The following RPS6KC1 variants were observed in gnomAD, a reference collection of about 807,000 sequenced individuals.
RPS6KC1 encodes ribosomal protein S6 kinase C1.
Under a neutral mutation model 103.8 loss-of-function variants are expected in RPS6KC1, and 54 were observed. The ratio of observed to expected loss-of-function variants is 0.52; its 90% CI spans 0.42 to 0.65. The LOEUF (loss-of-function observed/expected upper bound fraction) is 0.65. RPS6KC1 is among the 30% of genes least tolerant of loss of function. RPS6KC1 has a pLI of 0.00. For missense variants in RPS6KC1, 1,151 were observed against 1,253.8 expected, an observed-to-expected ratio of 0.92 and a Z score of 1.24; for synonymous variants, 439 against 438.7, an observed-to-expected ratio of 1.00 and a Z score of -0.01.
chr1:213,328,503 A>AATATATATATAT, the RPS6KC1 span, among the ~76,000 whole-genome samples: 14 of 31,796 alleles, frequency 4.4e-4, no homozygotes, highest in African/African-American at 5.8e-4. Flanking sequence ...CAGCCATTAT[A>AATATATATATAT]CTATATATAT....
At chr1:213,761,348 G>A in the RPS6KC1 span, among the ~76,000 whole-genome samples, 2 of 152,098 alleles carry the variant, frequency 1.3e-5, no homozygotes, top group Non-Finnish European at 2.9e-5. Context: ...GCACTGCGTG[G>A]CCACAGCAGC....
At chr1:213,789,688 A>G in the RPS6KC1 span, among the ~76,000 whole-genome samples, 1 of 152,212 alleles carries the variant, frequency 6.6e-6, no homozygotes, top group African/African-American at 2.4e-5. Flanking sequence ...TCTACTTGAT[A>G]GTACAATGTG....
At chr1:213,581,635 G>T in the RPS6KC1 span, among the ~76,000 whole-genome samples, 2 of 152,078 alleles carry the variant, frequency 1.3e-5, no homozygotes, top group Non-Finnish European at 2.9e-5. Context: ...AGCCAGCCAA[G>T]GACAGCTTCT....
the RPS6KC1 span, among the ~76,000 whole-genome samples, chr1:213,456,537 A>G: frequency 6.6e-6 from 1 of 151,928 alleles, no homozygotes; most frequent in Non-Finnish European, 1.5e-5. Context: ...GCCCACTTAT[A>G]CCCTACTCTT....
chr1:213,534,532 C>T, the RPS6KC1 span, among the ~76,000 whole-genome samples: 1 of 152,196 alleles, frequency 6.6e-6, no homozygotes, highest in Non-Finnish European at 1.5e-5. Flanking sequence ...CTGCATCCTT[C>T]AACCACTGCT....
chr1:213,660,186 A>G, the RPS6KC1 span, among the ~76,000 whole-genome samples: 1 of 152,234 alleles, frequency 6.6e-6, no homozygotes, highest in African/African-American at 2.4e-5. Flanking sequence ...TTTGTAATAA[A>G]TGTGTGAGGG....
the RPS6KC1 span, among the ~76,000 whole-genome samples, chr1:213,405,780 C>T: frequency 6.6e-6 from 1 of 152,276 alleles, no homozygotes; most frequent in South Asian, 2.1e-4. Context: ...CCCATCTTTC[C>T]TCTTGTATAA....
chr1:213,368,042 A>G, the RPS6KC1 span, among the ~76,000 whole-genome samples: 39 of 152,222 alleles, frequency 2.6e-4, no homozygotes, highest in Non-Finnish European at 5.0e-4. Context: ...TTTAACTGAG[A>G]TATAGCCGGA....
chr1:213,467,251 G>A, the RPS6KC1 span, among the ~76,000 whole-genome samples: 1 of 152,190 alleles, frequency 6.6e-6, no homozygotes, highest in Admixed American at 6.5e-5. Context: ...ACCAAGCACT[G>A]TTTAAACAAA....
the RPS6KC1 span, among the ~76,000 whole-genome samples, chr1:213,283,173 A>T: frequency 1.3e-5 from 2 of 152,178 alleles, no homozygotes; most frequent in Non-Finnish European, 2.9e-5. Flanking sequence ...TACATGCTAT[A>T]ATACAGGGAC....
chr1:213,620,817 T>A, the RPS6KC1 span, among the ~76,000 whole-genome samples: 1 of 152,162 alleles, frequency 6.6e-6, no homozygotes, highest in Admixed American at 6.5e-5. Context: ...GACTCCACCA[T>A]ACCTAACCAC....
chr1:213,786,596 A>G, the RPS6KC1 span, among the ~76,000 whole-genome samples: 1 of 152,344 alleles, frequency 6.6e-6, no homozygotes, highest in Non-Finnish European at 1.5e-5. Context: ...CTCATCTGCT[A>G]ACCTTAAAGG....
chr1:213,315,721 C>T, the RPS6KC1 span, among the ~76,000 whole-genome samples: 2 of 152,142 alleles, frequency 1.3e-5, no homozygotes, highest in African/African-American at 4.8e-5. Flanking sequence ...TTCCTTGCTG[C>T]CCCCCACGGG....
the RPS6KC1 span, among the ~76,000 whole-genome samples, chr1:213,490,458 C>CTGT: frequency 1.6e-4 from 24 of 152,286 alleles, no homozygotes; most frequent in South Asian, 3.9e-3. Context: ...CCTCTTGACT[C>CTGT]TGTATGAGGT....
At chr1:213,791,562 A>G in the RPS6KC1 span, among the ~76,000 whole-genome samples, 1 of 152,210 alleles carries the variant, frequency 6.6e-6, no homozygotes, top group Admixed American at 6.5e-5. Flanking sequence ...TAATGAAAAT[A>G]TAAGACTGCA....
At chr1:213,776,807 G>A in the RPS6KC1 span, among the ~76,000 whole-genome samples, 5 of 152,182 alleles carry the variant, frequency 3.3e-5, no homozygotes, top group Admixed American at 3.3e-4. Context: ...CATACATATT[G>A]AAAATCTGTT....
chr1:213,087,846 C>A (rs898910349), intron 3 of RPS6KC1, among the ~76,000 whole-genome samples: 1 of 152,140 alleles, frequency 6.6e-6, no homozygotes, highest in African/African-American at 2.4e-5. Context: ...CTGCTAGCAC[C>A]CTGCAGAGTT....
chr1:213,779,789 G>A, the RPS6KC1 span, among the ~76,000 whole-genome samples: 1 of 152,178 alleles, frequency 6.6e-6, no homozygotes, highest in African/African-American at 2.4e-5. Flanking sequence ...ACAAGGAGAT[G>A]CGCAGAAAAG....
At chr1:213,251,871 TA>T (rs2149027861) in intron 12 of RPS6KC1, among the ~76,000 whole-genome samples, 1 of 152,292 alleles carries the variant, frequency 6.6e-6, no homozygotes, top group Admixed American at 6.5e-5. Context: ...ATAATTGGTA[TA>T]ATATTGACAG....
Sources: gnomAD v4.1 joint callset for allele counts (sites outside exome capture counted in the v4.1 genomes callset) on GRCh38, gnomAD v4.1.1 for gene constraint, MANE v1.5 for transcripts, NCBI Gene and HGNC (gene_info 2026-07-23, HGNC 2026-07-21) for gene names.